The following RORA variants were observed in gnomAD, a reference collection of about 807,000 sequenced individuals.
RORA encodes the protein RAR related orphan receptor A, also known as nuclear receptor ROR-alpha.
RORA carries 7 observed loss-of-function variants against 69.5 expected under a neutral mutation model. The observed-to-expected ratio is 0.10, with a 90% CI of 0.06 to 0.19. The LOEUF (loss-of-function observed/expected upper bound fraction) is 0.19. RORA is among the 10% of genes least tolerant of loss of function. The pLI is 1.00. For missense variants in RORA, 457 were observed against 663.0 expected (o/e 0.69, Z 3.41); for synonymous variants, 261 against 240.8 (o/e 1.08, Z -0.78).
intron 2 of RORA, among the ~76,000 whole-genome samples, chr15:60,566,818 A>C (rs990242837): frequency 7.9e-5 from 12 of 152,138 alleles, no homozygotes; most frequent in African/African-American, 2.9e-4. Flanking sequence ...GTGTTCAAAG[A>C]GAGGCTCACT....
At chr15:60,549,634 A>T (rs892113549) in intron 2 of RORA, among the ~76,000 whole-genome samples, 1 of 152,166 alleles carries the variant, frequency 6.6e-6, no homozygotes. Flanking sequence ...GGGGATAGGT[A>T]TGTGTGTGTG....
Position 60,491,055 on chromosome 15 carries a change from A to G in RORA, c.*6400T>C, listed in dbSNP as rs1481597204. 1 of 152,216 alleles carries G rather than the reference A, an allele frequency of 6.6e-6. No individual in the cohort carries two copies. The highest frequency in any genetic ancestry group is 1.5e-5 in the Non-Finnish European group (1 of 68,018). The allele number at this position is 152,216 out of a possible 1,614,324, so 9.4% of individuals were successfully genotyped here. A position where few individuals can be genotyped will look rare whatever the true frequency, so the allele number is the denominator to read the frequency against. ...ATGTTTAAAAATTTACCACTGTTTA[A>G]TATGAGATTTCAAACTGTGTGGATA... is the stretch of plus-strand genomic sequence containing the variant. On this transcript the variant is annotated 3_prime_UTR_variant, in exon 11 of 11. Transcript: ENST00000335670.
chr15:61,204,771 G>T (rs531337182), intron 1 of RORA, among the ~76,000 whole-genome samples: 1 of 152,220 alleles, frequency 6.6e-6, no homozygotes, highest in Non-Finnish European at 1.5e-5. Context: ...CACCCAAAAA[G>T]TATGCGCAAG....
chr15:60,611,288 A>G (rs796735905), intron 2 of RORA, among the ~76,000 whole-genome samples: 8 of 152,102 alleles, frequency 5.3e-5, no homozygotes, highest in African/African-American at 1.9e-4. Flanking sequence ...CCCTTGTTTC[A>G]ATATCTTCTG....
At chr15:60,693,118 C>T (rs758925323) in intron 1 of RORA, among the ~76,000 whole-genome samples, 1 of 152,202 alleles carries the variant, frequency 6.6e-6, no homozygotes, top group Non-Finnish European at 1.5e-5. Context: ...AAATTGGCTT[C>T]ATCCCCGGGA....
chr15:60,744,225 T>C (rs1434516996), intron 1 of RORA, among the ~76,000 whole-genome samples: 1 of 152,218 alleles, frequency 6.6e-6, no homozygotes, highest in East Asian at 1.9e-4. Context: ...TTTAGCATTT[T>C]CTGAAAGACT....
chr15:60,497,221 G>A lies in RORA; in HGVS notation c.*234C>T. The A allele has an allele frequency of 2.4e-6, 1 of 419,968 alleles. No homozygotes were observed. Among genetic ancestry groups the A allele is most frequent in the East Asian group, 4.0e-5 (1 of 25,126 alleles). 26.0% of individuals were successfully genotyped at this position (419,968 alleles called of 1,614,324 possible). ...GGTCAATGATCAAGAAGTCAAGACAGAAAAAGGGTCCATATCTGTAGGCAT... is the reference window on the plus strand; with the variant it reads ...GGTCAATGATCAAGAAGTCAAGACAAAAAAAGGGTCCATATCTGTAGGCAT... On this transcript the variant is annotated 3_prime_UTR_variant, in exon 11 of 11. Coordinates refer to ENST00000335670, the MANE Select transcript of RORA (RefSeq NM_134261.3).
intron 1 of RORA, among the ~76,000 whole-genome samples, chr15:60,807,827 AGT>A (rs1321624995): frequency 6.6e-6 from 1 of 152,242 alleles, no homozygotes; most frequent in East Asian, 1.9e-4. Context: ...AAGTGGAGAA[AGT>A]ACACCCTGTT....
chr15:60,766,680 T>C (rs2071997934), intron 1 of RORA, among the ~76,000 whole-genome samples: 2 of 152,166 alleles, frequency 1.3e-5, no homozygotes, highest in Admixed American at 6.5e-5. Flanking sequence ...ACTTTTTTTT[T>C]TTTTCCCAAG....
rs540869628 is a variant in RORA, at chr15:60,822,098, T to A, written c.167-143412A>T. Among the ~76,000 whole-genome samples the A allele has an allele frequency of 3.3e-5, 5 of 152,282 alleles. No individual in the cohort carries two copies. The South Asian group carries it at 1.0e-3, about 32-fold the overall frequency. On this transcript the variant is annotated intron_variant, in intron 1 of 10. Coordinates refer to ENST00000335670, the MANE Select transcript of RORA (RefSeq NM_134261.3). ...CTAGAGAAACTGAGGGTGAGAGCAA[T>A]GAAACAAGGTTTGGTGGTAAATGGT... is the stretch of plus-strand genomic sequence containing the variant.
intron 1 of RORA, among the ~76,000 whole-genome samples, chr15:61,111,714 T>TA (rs5813071): frequency 0.46 from 69,387 of 151,830 alleles, 16,823 homozygotes; most frequent in East Asian, 0.72. Flanking sequence ...AGACGGAAAA[T>TA]AAAAATGTTT....
chr15:60,686,875 G>A (rs1448839747), intron 1 of RORA: 1 of 152,238 alleles, frequency 6.6e-6, no homozygotes, highest in African/African-American at 2.4e-5. Context: ...ACTATGGGAA[G>A]TTTGCATGAA....
chr15:61,070,023 C>A lies in RORA; in HGVS notation c.166+159030G>T, dbSNP rs1055459209. Among the ~76,000 whole-genome samples the A allele has an allele frequency of 2.0e-5, 3 of 152,022 alleles. No homozygotes were observed. The East Asian group carries it at 5.8e-4, about 29-fold the overall frequency. ...GTTTTTAAAAGTATGTTTATTTTTT[C>A]TTCTCATTATTTTAAATGCATTAAT... is the stretch of plus-strand genomic sequence containing the variant. On this transcript the variant is annotated intron_variant, in intron 1 of 10. Transcript: ENST00000335670.
intron 1 of RORA, among the ~76,000 whole-genome samples, chr15:61,095,073 A>C (rs1170143152): frequency 1.3e-5 from 2 of 152,234 alleles, no homozygotes; most frequent in African/African-American, 2.4e-5. Flanking sequence ...GATGAATCAG[A>C]GAATTCAGGG....
At position 61,201,632 on chromosome 15, in the gene RORA, AT is replaced by A. The variant is rs534216149; in HGVS notation, c.166+27420del. The stretch of plus-strand genomic sequence containing the variant: ...TCTGAATTAACTAAAGTGCTTAGTA[AT>A]TTTTTTTCTATTGTTCTTCAGAAGT... On this transcript the variant is annotated intron_variant, in intron 1 of 10. Transcript: ENST00000335670. Among the ~76,000 whole-genome samples, 11 of 152,120 alleles carry A rather than the reference AT, an allele frequency of 7.2e-5. No individual in the cohort carries two copies. In the South Asian group the frequency reaches 1.0e-3, roughly 14 times the overall value.
intron 1 of RORA, among the ~76,000 whole-genome samples, chr15:61,099,402 C>G (rs1221770958): frequency 6.6e-6 from 1 of 152,142 alleles, no homozygotes; most frequent in Non-Finnish European, 1.5e-5. Flanking sequence ...CCCACTAAAT[C>G]CCCAGTGAGG....
chr15:61,008,457 T>C (rs1221360924), intron 1 of RORA, among the ~76,000 whole-genome samples: 2 of 152,026 alleles, frequency 1.3e-5, no homozygotes, highest in Admixed American at 6.6e-5. Flanking sequence ...CAAGAACGCA[T>C]GAACAGGAAT....
At chr15:60,866,796 G>A (rs1045541107) in intron 1 of RORA, among the ~76,000 whole-genome samples, 1 of 149,778 alleles carries the variant, frequency 6.7e-6, no homozygotes, top group South Asian at 2.1e-4. Context: ...TTCCATCTGG[G>A]TGTTCCTGAG....
chr15:61,103,314 C>T (rs1443403507), intron 1 of RORA, among the ~76,000 whole-genome samples: 1 of 152,190 alleles, frequency 6.6e-6, no homozygotes, highest in Non-Finnish European at 1.5e-5. Context: ...GGTAACCAGT[C>T]CCCAGACAAT....
Sources: allele counts gnomAD v4.1 joint callset (sites outside exome capture counted in the v4.1 genomes callset), GRCh38; gene constraint gnomAD v4.1.1; transcripts MANE v1.5; gene names NCBI Gene and HGNC (gene_info 2026-07-23, HGNC 2026-07-21).